RSRC1: variants seen among roughly 807,000 people sequenced by gnomAD.
RSRC1 encodes serine/Arginine-related protein 53.
RSRC1 carries 39 observed loss-of-function variants against 49.1 expected under a neutral mutation model. The observed-to-expected ratio is 0.79, with a 90% CI of 0.61 to 1.04. The LOEUF (loss-of-function observed/expected upper bound fraction) is 1.04, where lower values mean the gene tolerates loss of function less well. RSRC1 is among the 50% of genes least tolerant of loss of function. The pLI is 0.00. For missense variants in RSRC1, 388 were observed against 402.4 expected (o/e 0.96, Z 0.31); for synonymous variants, 143 against 130.8 (o/e 1.09, Z -0.63).
At chr3:158,503,049 G>A (rs909979917) in intron 7 of RSRC1, among the ~76,000 whole-genome samples, 1 of 152,182 alleles carries the variant, frequency 6.6e-6, no homozygotes, top group African/African-American at 2.4e-5. Flanking sequence ...GCTGAAGGCT[G>A]TTGTTGAGAT....
At chr3:158,276,698 A>G (rs1160448041) in intron 4 of RSRC1, among the ~76,000 whole-genome samples, 1 of 152,078 alleles carries the variant, frequency 6.6e-6, no homozygotes, top group African/African-American at 2.4e-5. Flanking sequence ...CTTTTTTGAT[A>G]GCAGACTAAA....
At chr3:158,296,535 A>G (rs1453640771) in intron 4 of RSRC1, among the ~76,000 whole-genome samples, 1 of 152,072 alleles carries the variant, frequency 6.6e-6, no homozygotes, top group Non-Finnish European at 1.5e-5. Context: ...TTTAAGTTAT[A>G]CAAATAACTA....
intron 4 of RSRC1, among the ~76,000 whole-genome samples, chr3:158,286,162 C>T (rs981519003): frequency 1.2e-4 from 18 of 152,134 alleles, no homozygotes; most frequent in Admixed American, 1.0e-3. Context: ...CGCTTTGCTG[C>T]CTCCTCCCTA....
chr3:158,122,430 A>G, intron 2 of RSRC1, 132 bp downstream of exon 2: 3 of 668,522 alleles, frequency 4.5e-6, no homozygotes, highest in South Asian at 7.0e-5. Context: ...GTCCCAACCC[A>G]GAGTTTTTTT....
rs1397084458 is a variant in RSRC1, at chr3:158,111,440, T to C, written c.-3+1217T>C. 2.0e-5 allele frequency among the ~76,000 whole-genome samples: 3 copies of C among 152,242 alleles called. No individual in the cohort carries two copies. The East Asian group carries it at 5.8e-4, about 29-fold the overall frequency. On this transcript the variant is annotated intron_variant, in intron 1 of 9. Transcript: ENST00000611884. ...TTGGAAAAGTTCTGAAAGCGGGTTG[T>C]TTATAGTAGATCTATAGTTGTATTT...
chr3:158,112,290 T>TACTAGG (rs1714470124), intron 1 of RSRC1, among the ~76,000 whole-genome samples: 1 of 152,210 alleles, frequency 6.6e-6, no homozygotes, highest in South Asian at 2.1e-4. Flanking sequence ...AATTCTTCCT[T>TACTAGG]ACTAGGACTA....
chr3:158,276,356 A>G, intron 4 of RSRC1: 1 of 772,268 alleles, frequency 1.3e-6, no homozygotes, highest in Middle Eastern at 3.2e-4. Context: ...AGACCCTCAG[A>G]AGAAAGCGCA....
intron 6 of RSRC1, among the ~76,000 whole-genome samples, chr3:158,392,604 A>G (rs75028846): frequency 0.054 from 8,153 of 152,192 alleles, 318 homozygotes; most frequent in South Asian, 0.1. Context: ...ACATAATGCT[A>G]AAGGGTTCAA....
intron 6 of RSRC1, among the ~76,000 whole-genome samples, chr3:158,419,546 A>G (rs1206756626): frequency 2.6e-5 from 4 of 151,958 alleles, no homozygotes; most frequent in South Asian, 2.1e-4. Flanking sequence ...CCTAATGACA[A>G]TAAGGTTTGT....
chr3:158,444,184 G>A (rs1578485905), intron 6 of RSRC1, among the ~76,000 whole-genome samples: 1 of 152,116 alleles, frequency 6.6e-6, no homozygotes, highest in Non-Finnish European at 1.5e-5. Context: ...AGCCAAAAAT[G>A]AGCCCACATT....
At chr3:158,345,509 G>A (rs535210779) in intron 5 of RSRC1, among the ~76,000 whole-genome samples, 1 of 152,106 alleles carries the variant, frequency 6.6e-6, no homozygotes, top group South Asian at 2.1e-4. Flanking sequence ...TGTAGAGTTG[G>A]TTCAATCCCA....
intron 6 of RSRC1, among the ~76,000 whole-genome samples, chr3:158,432,240 A>G (rs890366064): frequency 6.6e-6 from 1 of 151,962 alleles, no homozygotes; most frequent in African/African-American, 2.4e-5. Context: ...ATGAGGATTG[A>G]ATTGGCCCTG....
intron 4 of RSRC1, among the ~76,000 whole-genome samples, chr3:158,291,903 C>G (rs1220215270): frequency 6.6e-6 from 1 of 152,116 alleles, no homozygotes; most frequent in Non-Finnish European, 1.5e-5. Context: ...AGGACATAAG[C>G]TTTATTATAG....
intron 3 of RSRC1, among the ~76,000 whole-genome samples, chr3:158,191,157 C>G (rs1359233831): frequency 6.6e-6 from 1 of 151,864 alleles, no homozygotes; most frequent in Non-Finnish European, 1.5e-5. Flanking sequence ...TGGACACCTC[C>G]CTTTCCAAAG....
intron 6 of RSRC1, among the ~76,000 whole-genome samples, chr3:158,401,881 C>T (rs1733911391): frequency 6.6e-6 from 1 of 151,838 alleles, no homozygotes; most frequent in Admixed American, 6.6e-5. Flanking sequence ...TGAAAACTTA[C>T]TGAACCTTTC....
intron 6 of RSRC1, among the ~76,000 whole-genome samples, chr3:158,382,588 C>T (rs535223680): frequency 2.6e-5 from 4 of 152,200 alleles, no homozygotes; most frequent in African/African-American, 9.6e-5. Context: ...CCAGCTACCC[C>T]CTACCCCCAG....
At chr3:158,140,210 T>C (rs555041134) in intron 3 of RSRC1, among the ~76,000 whole-genome samples, 2 of 152,372 alleles carry the variant, frequency 1.3e-5, no homozygotes, top group East Asian at 3.9e-4. Flanking sequence ...TTGGAATCTG[T>C]GCATTTTGAG....
intron 6 of RSRC1, among the ~76,000 whole-genome samples, chr3:158,359,046 C>T (rs149900469): frequency 6.6e-6 from 1 of 151,562 alleles, no homozygotes; most frequent in Non-Finnish European, 1.5e-5. Flanking sequence ...TGTTTGAGTA[C>T]CTGTTTGGAG....
At chr3:158,473,196 A>G (rs1305290422) in intron 7 of RSRC1, among the ~76,000 whole-genome samples, 1 of 152,202 alleles carries the variant, frequency 6.6e-6, no homozygotes, top group Admixed American at 6.5e-5. Flanking sequence ...TCATGCTGCT[A>G]TAAAGACACA....
Sources: allele counts gnomAD v4.1 joint callset (sites outside exome capture counted in the v4.1 genomes callset), GRCh38; gene constraint gnomAD v4.1.1; transcripts MANE v1.5; gene names NCBI Gene and HGNC (gene_info 2026-07-23, HGNC 2026-07-21).